NRXN3: variants seen among roughly 807,000 people sequenced by gnomAD.
NRXN3 encodes neurexin III.
Under a neutral mutation model 137.6 loss-of-function variants are expected in NRXN3, and 32 were observed. That is an observed-to-expected ratio of 0.23 (90% CI 0.18 to 0.31). The LOEUF (loss-of-function observed/expected upper bound fraction) is 0.31. Ranked by LOEUF, NRXN3 falls within the 10% of genes least tolerant of loss-of-function variation. The pLI is 1.00. For synonymous variants in NRXN3, 798 were observed against 784.5 expected (o/e 1.02, Z -0.29); for missense variants, 1,574 against 2,062.5 (o/e 0.76, Z 4.59).
chr14:78,426,399 GAAGGGGAAAAATCT>G lies in NRXN3; in HGVS notation c.757+128540_757+128553del, dbSNP rs537394390. Reference sequence around the variant, plus strand: ...TCACTGCCATTCACAGGTTGCAGAGGAAGGGGAAAAATCTTTTCCTTCTACTCTTCTAGGTTCCT... The same window carrying G: ...TCACTGCCATTCACAGGTTGCAGAGGTTTCCTTCTACTCTTCTAGGTTCCT... On this transcript the variant is annotated intron_variant, in intron 4 of 20. Transcript: ENST00000335750. Among the ~76,000 whole-genome samples, 868 of 152,336 alleles carry G rather than the reference GAAGGGGAAAAATCT, an allele frequency of 5.7e-3. 4 individuals are homozygous for G. The highest frequency in any genetic ancestry group is 0.024 in the Middle Eastern group (7 of 294).
intron 15 of NRXN3, among the ~76,000 whole-genome samples, chr14:79,297,976 T>G (rs973816275): frequency 2.6e-5 from 4 of 152,106 alleles, no homozygotes; most frequent in Non-Finnish European, 4.4e-5. Flanking sequence ...CATTTAATTA[T>G]CACTTTTCTT....
intron 15 of NRXN3, among the ~76,000 whole-genome samples, chr14:79,212,395 C>T (rs2067806680): frequency 1.3e-5 from 2 of 152,160 alleles, no homozygotes; most frequent in South Asian, 4.1e-4. Context: ...GCCTCTGATA[C>T]TCTCTGTTCT....
chr14:79,376,214 GTATATATATATATATATATATA>G (rs1159913935), intron 15 of NRXN3, among the ~76,000 whole-genome samples: 868 of 71,112 alleles, frequency 0.012, 17 homozygotes, highest in East Asian at 0.028. Flanking sequence ...GTGTGTGTAT[GTATATATATATATATATATATA>G]TATATATATA....
At chr14:79,459,880 G>A (rs776366231) in intron 15 of NRXN3, among the ~76,000 whole-genome samples, 2 of 152,088 alleles carry the variant, frequency 1.3e-5, no homozygotes, top group African/African-American at 2.4e-5. Flanking sequence ...GAGTGTGTCC[G>A]TGGAAGCTTT....
At chr14:79,011,787 C>T (rs1450174349) in intron 15 of NRXN3, among the ~76,000 whole-genome samples, 1 of 152,152 alleles carries the variant, frequency 6.6e-6, no homozygotes. Context: ...AATGTATACA[C>T]AGCCCAACAT....
intron 16 of NRXN3, among the ~76,000 whole-genome samples, chr14:79,542,125 T>C (rs1440602078): frequency 6.6e-5 from 10 of 152,202 alleles, no homozygotes; most frequent in Non-Finnish European, 1.5e-4. Context: ...AATTAAGATG[T>C]AGCTTTGTTT....
At chr14:79,283,366 C>T (rs929731644) in intron 15 of NRXN3, among the ~76,000 whole-genome samples, 1 of 152,116 alleles carries the variant, frequency 6.6e-6, no homozygotes, top group Non-Finnish European at 1.5e-5. Context: ...AGCCAAAGTC[C>T]TCAAAGCTGC....
At chr14:79,679,184 G>T (rs1339533095) in intron 17 of NRXN3, among the ~76,000 whole-genome samples, 2 of 151,586 alleles carry the variant, frequency 1.3e-5, no homozygotes, top group Non-Finnish European at 2.9e-5. Flanking sequence ...AAGGTGCAAG[G>T]TTCTATGGCA....
At position 79,736,091 on chromosome 14, in the gene NRXN3, C is replaced by T. The variant is rs144632111; in HGVS notation, c.4014+38154C>T. 3.4e-3 allele frequency among the ~76,000 whole-genome samples: 514 copies of T among 152,262 alleles called. 2 individuals are homozygous for T. The highest frequency in any genetic ancestry group is 5.5e-3 in the Non-Finnish European group (372 of 68,034). On this transcript the variant is annotated intron_variant, in intron 19 of 20. Coordinates refer to ENST00000335750, the MANE Select transcript of NRXN3 (RefSeq NM_001330195.2). ...TACATTTCTCAACATCTTTGCCTCC[C>T]ATCAGACCAGGATTTCAGTTACTAG...
chr14:79,683,418 TATAAATACCATGC>T (rs1419541039), intron 17 of NRXN3, among the ~76,000 whole-genome samples: 1 of 152,132 alleles, frequency 6.6e-6, no homozygotes, highest in Non-Finnish European at 1.5e-5. Flanking sequence ...AGGAGGATAT[TATAAATACCATGC>T]ACAGTGTATC....
At chr14:78,636,081 C>T (rs1278859333) in intron 4 of NRXN3, among the ~76,000 whole-genome samples, 5 of 152,102 alleles carry the variant, frequency 3.3e-5, no homozygotes, top group Non-Finnish European at 5.9e-5. Flanking sequence ...ATTTGTTGAG[C>T]GCTGAGGTGA....
chr14:78,956,921 G>A (rs1238845390), intron 10 of NRXN3, among the ~76,000 whole-genome samples: 2 of 152,178 alleles, frequency 1.3e-5, no homozygotes, highest in African/African-American at 4.8e-5. Flanking sequence ...AAAACTTTGA[G>A]AGATTAATGA....
chr14:78,929,053 T>C (rs1271736636), intron 10 of NRXN3, among the ~76,000 whole-genome samples: 1 of 152,208 alleles, frequency 6.6e-6, no homozygotes, highest in East Asian at 1.9e-4. Flanking sequence ...TGCCCAGTGA[T>C]GACGAGCATT....
chr14:78,643,583 AGCCAGG>A (rs2097656599), intron 4 of NRXN3, among the ~76,000 whole-genome samples: 1 of 152,218 alleles, frequency 6.6e-6, no homozygotes, highest in South Asian at 2.1e-4. Context: ...CTAGTTGGAA[AGCCAGG>A]CTCAAATTTA....
At chr14:79,028,153 T>C (rs2099601611) in intron 15 of NRXN3, among the ~76,000 whole-genome samples, 1 of 152,142 alleles carries the variant, frequency 6.6e-6, no homozygotes, top group Non-Finnish European at 1.5e-5. Context: ...TGAAAGTTAG[T>C]GGCAGAAACA....
intron 4 of NRXN3, among the ~76,000 whole-genome samples, chr14:78,526,356 A>C (rs1007397788): frequency 6.6e-6 from 1 of 152,226 alleles, no homozygotes; most frequent in Non-Finnish European, 1.5e-5. Context: ...TCAAATCTGC[A>C]AAGATAGCAC....
chr14:79,772,405 C>G (rs1184734755), intron 19 of NRXN3, among the ~76,000 whole-genome samples: 2 of 152,104 alleles, frequency 1.3e-5, no homozygotes, highest in Admixed American at 6.5e-5. Flanking sequence ...AGCAAAACAG[C>G]ATGGTACTGG....
intron 16 of NRXN3, among the ~76,000 whole-genome samples, chr14:79,565,347 G>GTT (rs1491496752): frequency 6.8e-6 from 1 of 146,630 alleles, no homozygotes; most frequent in East Asian, 2.1e-4. Flanking sequence ...ACATATGTGT[G>GTT]CGTATATGTA....
At chr14:78,778,562 G>T (rs573757009) in intron 8 of NRXN3, among the ~76,000 whole-genome samples, 2 of 151,976 alleles carry the variant, frequency 1.3e-5, no homozygotes, top group Admixed American at 6.6e-5. Flanking sequence ...TTTTTCCAGG[G>T]TTTTTGTTTG....
Sources: gnomAD v4.1 joint callset for allele counts (sites outside exome capture counted in the v4.1 genomes callset) on GRCh38, gnomAD v4.1.1 for gene constraint, MANE v1.5 for transcripts, NCBI Gene and HGNC (gene_info 2026-07-23, HGNC 2026-07-21) for gene names.